The following PCBP3 variants were observed in gnomAD, a reference collection of about 807,000 sequenced individuals.
PCBP3 encodes the protein poly(rC) binding protein 3.
Under a neutral mutation model 52.7 loss-of-function variants are expected in PCBP3, and 25 were observed. The ratio of observed to expected loss-of-function variants is 0.47; its 90% CI spans 0.35 to 0.66. The LOEUF (loss-of-function observed/expected upper bound fraction) is 0.66. Ranked by LOEUF, PCBP3 falls within the 30% of genes least tolerant of loss-of-function variation. The pLI, the probability that PCBP3 is intolerant of heterozygous loss-of-function variation, is 0.01. For missense variants in PCBP3, 391 were observed against 490.3 expected, an observed-to-expected ratio of 0.80 and a Z score of 1.91; for synonymous variants, 162 against 183.0, an observed-to-expected ratio of 0.89 and a Z score of 0.93.
At position 45,737,178 on chromosome 21, in the gene PCBP3, C is replaced by T. The variant is rs748796436; in HGVS notation, c.-162+1749C>T. Among the ~76,000 whole-genome samples the T allele has an allele frequency of 4.6e-5, 7 of 152,036 alleles. No individual in the cohort carries two copies. The highest frequency in any genetic ancestry group is 1.0e-4 in the Non-Finnish European group (7 of 68,008). On this transcript the variant is annotated intron_variant, in intron 3 of 17. Coordinates refer to ENST00000681687, the MANE Select transcript of PCBP3 (RefSeq NM_001384156.1). This position sits in a 1 kb window ranked among gnomAD's most constrained non-coding sequence, Gnocchi z 4.9. ...ACATCAGGGGTCTCACAGGTCATCC[C>T]GAGGCTGCTCTCAGTCCACGTGGCG...
chr21:45,764,358 G>T (rs1229681346), intron 4 of PCBP3, among the ~76,000 whole-genome samples: 2 of 152,160 alleles, frequency 1.3e-5, no homozygotes, highest in African/African-American at 4.8e-5. Context: ...CCGACCTCAG[G>T]CAGTCTACCC....
chr21:45,916,826 G>T (rs1400004708), intron 12 of PCBP3: 1 of 152,326 alleles, frequency 6.6e-6, no homozygotes, highest in Non-Finnish European at 1.5e-5. Context: ...TCCATTTGTT[G>T]TCTGGCCATG....
At chr21:45,850,773 T>C (rs1301868156) in intron 5 of PCBP3, among the ~76,000 whole-genome samples, 3 of 152,226 alleles carry the variant, frequency 2.0e-5, no homozygotes, top group African/African-American at 7.2e-5. Flanking sequence ...AGTACTAGGA[T>C]GTGTACAGGT....
In PCBP3 at chr21:45,900,584, A is replaced by G; in HGVS notation, c.190-7A>G. On this transcript the variant is annotated splice_region_variant and splice_polypyrimidine_tract_variant and intron_variant, in intron 7 of 17. Transcript: ENST00000681687. ...CCTTTTCCTTATTGTCTAAATCTTT[A>G]TTCCAGAAAGGAGAAACTGTGAAGA... is the stretch of plus-strand genomic sequence containing the variant. The G allele has an allele frequency of 6.3e-7, 1 of 1,589,326 alleles. No individual in the cohort carries two copies. Among genetic ancestry groups the G allele is most frequent in the Non-Finnish European group, 8.6e-7 (1 of 1,163,542 alleles).
chr21:45,878,459 G>A (rs1210995527), intron 5 of PCBP3, among the ~76,000 whole-genome samples: 1 of 152,246 alleles, frequency 6.6e-6, no homozygotes, highest in East Asian at 1.9e-4. Flanking sequence ...ATGAAGTTGT[G>A]TGTGCATTCC....
At chr21:45,906,701 C>T (rs563072436) in intron 9 of PCBP3, among the ~76,000 whole-genome samples, 7 of 152,168 alleles carry the variant, frequency 4.6e-5, no homozygotes, top group East Asian at 1.9e-4. Context: ...GCCGGTGGGC[C>T]GAGGAGTTCT....
chr21:45,882,174 C>T (rs1468122847), intron 5 of PCBP3, among the ~76,000 whole-genome samples: 2 of 152,222 alleles, frequency 1.3e-5, no homozygotes. Context: ...CTTTTGTCCA[C>T]CTCCTCACCA....
chr21:45,801,598 T>A (rs543333645), intron 4 of PCBP3, among the ~76,000 whole-genome samples: 1 of 152,154 alleles, frequency 6.6e-6, no homozygotes, highest in South Asian at 2.1e-4. Context: ...GGCCAGGTGC[T>A]GGTCACTGAC....
intron 5 of PCBP3, among the ~76,000 whole-genome samples, chr21:45,895,749 G>A (rs935967247): frequency 1.3e-5 from 2 of 152,248 alleles, no homozygotes; most frequent in African/African-American, 4.8e-5. Flanking sequence ...GGCTTGGGAC[G>A]TGAAGGGCCG....
intron 4 of PCBP3, among the ~76,000 whole-genome samples, chr21:45,792,672 A>G (rs1476127633): frequency 6.6e-6 from 1 of 152,214 alleles, no homozygotes; most frequent in African/African-American, 2.4e-5. Flanking sequence ...TTATTAAGAG[A>G]GAGAAACAGG....
chr21:45,708,138 G>A (rs1473768477), intron 2 of PCBP3, among the ~76,000 whole-genome samples: 5 of 152,192 alleles, frequency 3.3e-5, no homozygotes, highest in Admixed American at 1.3e-4. Context: ...TCCACATGCC[G>A]AAATTGGGAA....
At chr21:45,670,890 G>C (rs1331408117) in intron 2 of PCBP3, among the ~76,000 whole-genome samples, 1 of 152,166 alleles carries the variant, frequency 6.6e-6, no homozygotes, top group Non-Finnish European at 1.5e-5. Flanking sequence ...ATTCGGCCCA[G>C]CTCCTCACAG....
intron 4 of PCBP3, among the ~76,000 whole-genome samples, chr21:45,776,867 A>G (rs990927704): frequency 6.6e-6 from 1 of 152,168 alleles, no homozygotes; most frequent in Non-Finnish European, 1.5e-5. Flanking sequence ...AGGCGATTAT[A>G]TGACAGGTTT....
chr21:45,765,145 G>A (rs968223575), intron 4 of PCBP3, among the ~76,000 whole-genome samples: 1 of 152,238 alleles, frequency 6.6e-6, no homozygotes, highest in Non-Finnish European at 1.5e-5. Flanking sequence ...TGGGGATGGT[G>A]CCCTTTAGGG....
chr21:45,890,876 T>G (rs13046888), intron 5 of PCBP3, among the ~76,000 whole-genome samples: 1 of 100,988 alleles, frequency 9.9e-6, no homozygotes, highest in African/African-American at 3.7e-5. Flanking sequence ...ATAATAGAAC[T>G]TGGAACTCTG....
At chr21:45,833,484 C>T (rs1195711946) in intron 4 of PCBP3, among the ~76,000 whole-genome samples, 1 of 152,202 alleles carries the variant, frequency 6.6e-6, no homozygotes, top group Non-Finnish European at 1.5e-5. Context: ...CCACGTTGGC[C>T]CCTGGCAGCT....
intron 15 of PCBP3, among the ~76,000 whole-genome samples, chr21:45,931,389 G>A (rs1392791449): frequency 6.6e-6 from 1 of 152,238 alleles, no homozygotes; most frequent in Non-Finnish European, 1.5e-5. Context: ...GTGGCTTCCT[G>A]GTGGCCAGGC....
intron 2 of PCBP3, among the ~76,000 whole-genome samples, chr21:45,693,535 T>C (rs749547929): frequency 6.6e-6 from 1 of 152,228 alleles, no homozygotes; most frequent in Admixed American, 6.5e-5. Context: ...TTGTACACTT[T>C]AATAGAATAT....
chr21:45,766,697 G>A (rs1012423216), intron 4 of PCBP3, among the ~76,000 whole-genome samples: 9 of 152,130 alleles, frequency 5.9e-5, no homozygotes, highest in East Asian at 1.9e-4. Context: ...AGATGTCCCC[G>A]TCACTCATTG....
Sources: gnomAD v4.1 joint callset for allele counts (sites outside exome capture counted in the v4.1 genomes callset) on GRCh38, gnomAD v4.1.1 for gene constraint, Gnocchi (gnomAD v3.1) non-coding constraint, MANE v1.5 for transcripts, NCBI Gene and HGNC (gene_info 2026-07-23, HGNC 2026-07-21) for gene names.